Variants in EXOC3L2 observed in about 807,000 individuals in gnomAD.
The protein encoded by EXOC3L2 is exocyst complex component 3 like 2.
A neutral mutation model predicts 44.4 loss-of-function variants in EXOC3L2; 17 were observed. That is an observed-to-expected ratio of 0.38 (90% CI 0.26 to 0.57). The LOEUF (loss-of-function observed/expected upper bound fraction) is 0.57, where lower values mean the gene tolerates loss of function less well. Among genes scored for constraint, EXOC3L2 ranks in the 20% least tolerant of loss-of-function variants. The pLI, the probability that EXOC3L2 is intolerant of heterozygous loss-of-function variation, is 0.65. For synonymous variants in EXOC3L2, 256 were observed against 253.7 expected, an observed-to-expected ratio of 1.01 and a Z score of -0.09; for missense variants, 541 against 588.4, an observed-to-expected ratio of 0.92 and a Z score of 0.83.
At chr19:45,243,176 T>G (rs1568485571) in intron 1 of EXOC3L2, among the ~76,000 whole-genome samples, 1 of 152,216 alleles carries the variant, frequency 6.6e-6, no homozygotes, top group Non-Finnish European at 1.5e-5. Flanking sequence ...CAGCTCCAGT[T>G]CATTTAAGTG....
At chr19:45,215,934 TG>T in intron 11 of EXOC3L2, 138 bp downstream of exon 11, 1 of 1,229,612 alleles carries the variant, frequency 8.1e-7, no homozygotes, top group Non-Finnish European at 1.1e-6. Context: ...AATAATGCCC[TG>T]GTTCCAGCAG....
At chr19:45,239,627 T>A (rs1190555861) in intron 1 of EXOC3L2, among the ~76,000 whole-genome samples, 1 of 150,886 alleles carries the variant, frequency 6.6e-6, no homozygotes, top group Non-Finnish European at 1.5e-5. Flanking sequence ...TTCAAGCAAG[T>A]CTCCTGCCTC....
chr19:45,227,453 C>T (rs1258244082), intron 7 of EXOC3L2, among the ~76,000 whole-genome samples: 3 of 152,108 alleles, frequency 2.0e-5, no homozygotes, highest in African/African-American at 7.2e-5. Context: ...TTGAGTCCGG[C>T]GTCTAGGATT....
rs772308631 is a variant in EXOC3L2, at chr19:45,227,997, G to A, written c.1449C>T (p.Gly483=). ...FGERMAHCCL[G]GLAEFLQSFQ... is the part of the protein sequence containing the mutation. Reference sequence around the variant, plus strand: ...ACCTCTGCAGGAACTCTGCCAGCCCGCCTAGGCAGCAGTGGGCCATCCGCT... The same window carrying A: ...ACCTCTGCAGGAACTCTGCCAGCCCACCTAGGCAGCAGTGGGCCATCCGCT... Residue 483 remains glycine, a synonymous_variant, in exon 6 of 12, where the codon GGC becomes GGT. Transcript: ENST00000413988. The A allele has an allele frequency of 1.2e-5, 19 of 1,613,776 alleles. No homozygotes were observed. The highest frequency in any genetic ancestry group is 5.0e-5 in the Admixed American group (3 of 59,998).
In EXOC3L2 at chr19:45,217,630, C is replaced by T; in HGVS notation, c.1896G>A (p.Leu632=). Residue 632 remains leucine, a synonymous_variant, in exon 10 of 12, where the codon CTG becomes CTA. Coordinates refer to ENST00000413988, the MANE Select transcript of EXOC3L2 (RefSeq NM_001382422.1). ...RRALVEYVRP[L]LRGRLRCSSA... is the part of the protein sequence containing the mutation. Reference sequence around the variant, plus strand: ...AGCTGCAGCGCAGGCGCCCACGGAGCAGGGGCCGCACGTACTCGACCAGCG... The same window carrying T: ...AGCTGCAGCGCAGGCGCCCACGGAGTAGGGGCCGCACGTACTCGACCAGCG... 1 of 1,474,910 alleles carries T rather than the reference C, an allele frequency of 6.8e-7. No individual in the cohort carries two copies. The highest frequency in any genetic ancestry group is 8.9e-7 in the Non-Finnish European group (1 of 1,122,782). 91.4% of individuals were successfully genotyped at this position (1,474,910 alleles called of 1,614,324 possible).
At chr19:45,239,529 T>C (rs973313017) in intron 1 of EXOC3L2, among the ~76,000 whole-genome samples, 6 of 144,522 alleles carry the variant, frequency 4.2e-5, no homozygotes, top group Non-Finnish European at 9.1e-5. Context: ...TTTTTTTTTT[T>C]CTTTTGAGAT....
At chr19:45,229,350 GT>G (rs888383435) in intron 4 of EXOC3L2, among the ~76,000 whole-genome samples, 93 of 137,504 alleles carry the variant, frequency 6.8e-4, no homozygotes, top group African/African-American at 2.3e-3. Flanking sequence ...TTAAATATAT[GT>G]TATATATGTA....
At chr19:45,235,949 G>A (rs562375935) in intron 2 of EXOC3L2, among the ~76,000 whole-genome samples, 1 of 152,184 alleles carries the variant, frequency 6.6e-6, no homozygotes, top group Non-Finnish European at 1.5e-5. Context: ...GTTGGGGGTG[G>A]CGGTGAATTA....
chr19:45,223,541 C>T (rs1969921218), intron 8 of EXOC3L2, among the ~76,000 whole-genome samples: 2 of 151,382 alleles, frequency 1.3e-5, no homozygotes, highest in Non-Finnish European at 2.9e-5. Flanking sequence ...CGGGGTTTTG[C>T]CATATTGGCC....
rs1197378631 is a variant in EXOC3L2 at position 45,212,784 on chromosome 19, G to A, written c.*285C>T. The A allele has an allele frequency of 2.9e-6, 1 of 343,208 alleles. No individual in the cohort carries two copies. Among genetic ancestry groups the A allele is most frequent in the African/African-American group, 2.1e-5 (1 of 46,608 alleles). 21.3% of individuals were successfully genotyped at this position (343,208 alleles called of 1,614,324 possible). On this transcript the variant is annotated 3_prime_UTR_variant, in exon 12 of 12. Transcript: ENST00000413988. ...TAATTTTTTATTTTTTGTAGAGATAGGGGGCAGGTCTCACTATGTTGCCCA... is the reference window on the plus strand; with the variant it reads ...TAATTTTTTATTTTTTGTAGAGATAAGGGGCAGGTCTCACTATGTTGCCCA...
At chr19:45,227,629 G>A (rs1355126203) in intron 7 of EXOC3L2, 33 bp downstream of exon 7, 26 of 1,575,000 alleles carry the variant, frequency 1.7e-5, no homozygotes, top group Non-Finnish European at 2.1e-5. Context: ...CCTTGGATTG[G>A]TCCTCCCTCC....
chr19:45,230,049 ACGTCTTGCTC>A (rs1970014191), intron 4 of EXOC3L2, among the ~76,000 whole-genome samples: 1 of 151,716 alleles, frequency 6.6e-6, no homozygotes, highest in Non-Finnish European at 1.5e-5. Context: ...TTTAGAGGCC[ACGTCTTGCTC>A]TGTCCCCCAG....
chr19:45,219,970 G>A (rs183665617), intron 8 of EXOC3L2, among the ~76,000 whole-genome samples: 6 of 151,432 alleles, frequency 4.0e-5, no homozygotes, highest in African/African-American at 1.5e-4. Context: ...TCAGGAGTTC[G>A]AGACTAGCCT....
chr19:45,239,308 C>T (rs1360255235), intron 1 of EXOC3L2, among the ~76,000 whole-genome samples: 4 of 150,414 alleles, frequency 2.7e-5, no homozygotes, highest in Non-Finnish European at 3.0e-5. Flanking sequence ...AGCTCCGCCT[C>T]CCGGGTTCAC....
Position 45,231,819 on chromosome 19 carries a change from G to C in EXOC3L2, c.1213C>G (p.Leu405Val). ...AALENGELGPLLSPGTLRGLE... is the reference protein window; with the variant it reads ...AALENGELGPVLSPGTLRGLE... ...CCCCGCAGGGTGCCAGGGGAGAGAA[G>C]GGGCCCCAGCTCCCCATTCTCCAGG... The change falls in exon 4 of 12, where the codon CTT becomes GTT. Residue 405 changes from leucine (L) to valine (V), a missense_variant. Coordinates refer to ENST00000413988, the MANE Select transcript of EXOC3L2 (RefSeq NM_001382422.1). 6.2e-7 allele frequency: 1 copy of C among 1,610,712 alleles called. No homozygotes were observed. Among genetic ancestry groups the C allele is most frequent in the African/African-American group, 1.3e-5 (1 of 75,012 alleles).
At chr19:45,220,366 A>T (rs543799080) in intron 8 of EXOC3L2, among the ~76,000 whole-genome samples, 1 of 151,748 alleles carries the variant, frequency 6.6e-6, no homozygotes, top group South Asian at 2.1e-4. Flanking sequence ...GCTACTTAGG[A>T]GGCTGATGTG....
rs1459879435 is a variant in EXOC3L2, at chr19:45,240,267, C to CTTAA, written c.-16-1210_-16-1207dup. On this transcript the variant is annotated intron_variant, in intron 1 of 11. Coordinates refer to ENST00000413988, the MANE Select transcript of EXOC3L2 (RefSeq NM_001382422.1). ...CTACAGGTGTGTACCACCATGCCCA[C>CTTAA]TTAATTAATTAATTAATTTATTTAT... 9.3e-4 allele frequency among the ~76,000 whole-genome samples: 141 copies of CTTAA among 150,898 alleles called. 1 individual carries two copies. The highest frequency in any genetic ancestry group is 3.8e-3 in the South Asian group (18 of 4,722).
chr19:45,225,555 G>A (rs1270495156), intron 7 of EXOC3L2, among the ~76,000 whole-genome samples: 2 of 151,176 alleles, frequency 1.3e-5, no homozygotes, highest in Non-Finnish European at 2.9e-5. Context: ...GGCATGAGCC[G>A]CCGCACCCGG....
At chr19:45,244,846 C>T (rs907911262) in intron 1 of EXOC3L2, among the ~76,000 whole-genome samples, 2 of 152,118 alleles carry the variant, frequency 1.3e-5, no homozygotes, top group East Asian at 1.9e-4. Context: ...AAACACAATC[C>T]TGTCATCAGC....
Sources: allele counts gnomAD v4.1 joint callset (sites outside exome capture counted in the v4.1 genomes callset), GRCh38; gene constraint gnomAD v4.1.1; transcripts MANE v1.5; gene names NCBI Gene and HGNC (gene_info 2026-07-23, HGNC 2026-07-21).